The following PRIM2 variants were observed in gnomAD, a reference collection of about 807,000 sequenced individuals.
PRIM2 encodes the protein DNA primase subunit 2, also known as DNA primase large subunit.
PRIM2 carries 39 observed loss-of-function variants against 67.3 expected under a neutral mutation model. The observed-to-expected ratio is 0.58, with a 90% CI of 0.45 to 0.76. The LOEUF is 0.76. PRIM2 is among the 30% of genes least tolerant of loss of function. The pLI is 0.00. For synonymous variants in PRIM2, 143 were observed against 198.7 expected, an observed-to-expected ratio of 0.72 and a Z score of 2.36; for missense variants, 398 against 598.7, an observed-to-expected ratio of 0.66 and a Z score of 3.50.
chr6:57,405,082 T>A (rs576425517), intron 7 of PRIM2, among the ~76,000 whole-genome samples: 1 of 150,862 alleles, frequency 6.6e-6, no homozygotes, highest in Admixed American at 6.6e-5. Context: ...ATTTTATCCC[T>A]ATGCCTACTT....
intron 7 of PRIM2, among the ~76,000 whole-genome samples, chr6:57,391,892 T>C (rs1223584089): frequency 4.6e-5 from 7 of 152,164 alleles, no homozygotes; most frequent in African/African-American, 1.7e-4. Context: ...TATTTATTTA[T>C]TTTTTAGTTC....
At chr6:57,252,480 G>A in the PRIM2 span, among the ~76,000 whole-genome samples, 1 of 151,560 alleles carries the variant, frequency 6.6e-6, no homozygotes, top group Non-Finnish European at 1.5e-5. Context: ...TCGCTTTGTC[G>A]CCGAGGCTGG....
chr6:57,509,334 G>A (rs1470058105), intron 8 of PRIM2, among the ~76,000 whole-genome samples: 1 of 150,166 alleles, frequency 6.7e-6, no homozygotes, highest in African/African-American at 2.5e-5. Context: ...AGAGCTCTGT[G>A]TTTGCGAGTT....
the PRIM2 span, among the ~76,000 whole-genome samples, chr6:57,283,297 G>A: frequency 2.0e-5 from 3 of 152,110 alleles, no homozygotes; most frequent in African/African-American, 7.2e-5. Context: ...TGTGGATCTG[G>A]ACATGTAACT....
intron 7 of PRIM2, among the ~76,000 whole-genome samples, chr6:57,441,046 T>G (rs1367276878): frequency 3.3e-5 from 5 of 152,192 alleles, no homozygotes; most frequent in Non-Finnish European, 5.9e-5. Flanking sequence ...ATTTATTGCT[T>G]GCTGAAGTCA....
intron 10 of PRIM2, among the ~76,000 whole-genome samples, chr6:57,584,835 C>G (rs1776159875): frequency 6.6e-6 from 1 of 152,152 alleles, no homozygotes; most frequent in Non-Finnish European, 1.5e-5. Context: ...TACATACTTA[C>G]AGTTTAGTCT....
chr6:57,590,378 G>A (rs1776263758), intron 10 of PRIM2, among the ~76,000 whole-genome samples: 1 of 152,182 alleles, frequency 6.6e-6, no homozygotes, highest in African/African-American at 2.4e-5. Context: ...TTCAGGAAAA[G>A]CTGCAATAGA....
chr6:57,518,214 A>G (rs1774526708), intron 8 of PRIM2, among the ~76,000 whole-genome samples: 3 of 152,354 alleles, frequency 2.0e-5, no homozygotes, highest in South Asian at 4.1e-4. Flanking sequence ...TACTGCATAC[A>G]TACAATCTAC....
At chr6:57,402,515 G>A (rs953714419) in intron 7 of PRIM2, among the ~76,000 whole-genome samples, 4 of 152,266 alleles carry the variant, frequency 2.6e-5, no homozygotes, top group Non-Finnish European at 4.4e-5. Flanking sequence ...AGAGAAGTTT[G>A]AGAAAAGATA....
the PRIM2 span, among the ~76,000 whole-genome samples, chr6:57,285,990 G>A: frequency 1.5e-4 from 23 of 152,250 alleles, no homozygotes; most frequent in East Asian, 4.2e-3. Flanking sequence ...CAAATCATGA[G>A]TGAACTCCCA....
intron 7 of PRIM2, among the ~76,000 whole-genome samples, chr6:57,412,792 A>G (rs573753209): frequency 2.0e-5 from 3 of 152,220 alleles, no homozygotes; most frequent in Admixed American, 6.5e-5. Context: ...AGTTCCTGTA[A>G]TAAAAGAAAC....
At chr6:57,465,444 T>C (rs1233506208) in intron 7 of PRIM2, among the ~76,000 whole-genome samples, 3 of 152,126 alleles carry the variant, frequency 2.0e-5, no homozygotes, top group African/African-American at 4.8e-5. Context: ...GGCCCAGAGT[T>C]AGTGGTACAG....
At chr6:57,424,534 C>T (rs1012368769) in intron 7 of PRIM2, among the ~76,000 whole-genome samples, 3 of 152,050 alleles carry the variant, frequency 2.0e-5, no homozygotes, top group African/African-American at 7.2e-5. Context: ...TGGTAAACAG[C>T]GTATCAAGAA....
rs1244433107 is a variant in PRIM2, at chr6:57,524,593, C to T, written c.762-7818C>T. 2.6e-5 allele frequency among the ~76,000 whole-genome samples: 4 copies of T among 151,912 alleles called. No homozygotes were observed. The East Asian group carries it at 5.8e-4, about 22-fold the overall frequency. ...GCACGTGCATGTAATCCCAGCTACT[C>T]GGGAGGCTGAGGCAGGAGAATCACT... On this transcript the variant is annotated intron_variant, in intron 8 of 13. Coordinates refer to ENST00000615550, the MANE Select transcript of PRIM2 (RefSeq NM_000947.5).
At chr6:57,334,467 T>G (rs1015649356) in intron 5 of PRIM2, among the ~76,000 whole-genome samples, 2 of 152,302 alleles carry the variant, frequency 1.3e-5, no homozygotes, top group South Asian at 2.1e-4. Flanking sequence ...CTATTTTTAA[T>G]TTTTTGAGGA....
chr6:57,324,151 C>G (rs377725158), intron 3 of PRIM2, 50 bp from the exon 4 acceptor site: 354 of 1,047,980 alleles, frequency 3.4e-4, no homozygotes, highest in Middle Eastern at 1.4e-3. Flanking sequence ...TTCCTTACAC[C>G]TCTTACCATT....
Position 57,318,474 on chromosome 6 carries a change from A to G in PRIM2, c.29A>G (p.Lys10Arg). MEFSGRKWR[K>R]LRLAGDQRNA... ...GAGTTTTCTGGAAGAAAGTGGAGGA[A>G]GCTGAGGTTGGCAGGTGACCAGAGG... Residue 10 changes from lysine to arginine, a missense_variant, in exon 2 of 14, where the codon AAG (lysine) becomes AGG (arginine). By Grantham distance (26) the Lys-to-Arg change is conservative. Transcript: ENST00000615550. The G allele has an allele frequency of 6.2e-7, 1 of 1,611,670 alleles. No homozygotes were observed. The highest frequency in any genetic ancestry group is 8.5e-7 in the Non-Finnish European group (1 of 1,178,908).
At chr6:57,307,245 C>T in the PRIM2 span, among the ~76,000 whole-genome samples, 1 of 110,168 alleles carries the variant, frequency 9.1e-6, no homozygotes, top group Non-Finnish European at 1.8e-5. Context: ...AAAATAAATG[C>T]TAATTCAAGG....
chr6:57,485,803 T>C (rs1490584520), intron 7 of PRIM2, among the ~76,000 whole-genome samples: 5 of 152,296 alleles, frequency 3.3e-5, no homozygotes, highest in African/African-American at 9.6e-5. Context: ...GAGACACTTA[T>C]TGAATGAAAA....
Sources: allele counts gnomAD v4.1 joint callset (sites outside exome capture counted in the v4.1 genomes callset), GRCh38; gene constraint gnomAD v4.1.1; transcripts MANE v1.5; gene names NCBI Gene and HGNC (gene_info 2026-07-23, HGNC 2026-07-21).